The following C1orf198 variants were observed in gnomAD, a reference collection of about 807,000 sequenced individuals.
C1orf198 encodes chromosome 1 open reading frame 198.
C1orf198 carries 17 observed loss-of-function variants against 31.4 expected under a neutral mutation model. The ratio of observed to expected loss-of-function variants is 0.54; its 90% CI spans 0.37 to 0.81. The LOEUF is 0.81. Ranked by LOEUF, C1orf198 falls within the 40% of genes least tolerant of loss-of-function variation. The probability of loss-of-function intolerance (pLI) is 0.00; values close to 1 mark genes in which losing one functional copy is unlikely to be tolerated. For synonymous variants in C1orf198, 175 were observed against 193.8 expected, an observed-to-expected ratio of 0.90 and a Z score of 0.81; for missense variants, 401 against 450.3, an observed-to-expected ratio of 0.89 and a Z score of 0.99.
At chr1:230,868,001 C>A (rs896395591) in intron 1 of C1orf198, among the ~76,000 whole-genome samples, 179 bp downstream of exon 1, 1 of 152,224 alleles carries the variant, frequency 6.6e-6, no homozygotes, top group Non-Finnish European at 1.5e-5. Context: ...ACTCCCCCAG[C>A]GGAGCCCCCA....
In C1orf198 at chr1:230,857,898, C is replaced by G. The variant is rs1403278537; in HGVS notation, c.334-2180G>C. Among the ~76,000 whole-genome samples the G allele has an allele frequency of 6.6e-6, 1 of 152,206 alleles. No homozygotes were observed. The highest frequency in any genetic ancestry group is 1.5e-5 in the Non-Finnish European group (1 of 68,028). On this transcript the variant is annotated intron_variant, in intron 1 of 3. Coordinates refer to ENST00000366663, the MANE Select transcript of C1orf198 (RefSeq NM_032800.3). The surrounding 1 kb of genome is among the most constrained non-coding windows in gnomAD (Gnocchi z 4.2). ...ACCATGTGCACAGTAAGATGACCCC[C>G]ATCCTCAGAGTGTTACAGTCACTGT...
chr1:230,843,372 C>A lies in C1orf198; in HGVS notation c.909G>T (p.Ser303=). The A allele has an allele frequency of 6.4e-7, 1 of 1,555,776 alleles. No homozygotes were observed. Among genetic ancestry groups the A allele is most frequent in the South Asian group, 1.2e-5 (1 of 84,530 alleles). Residue 303 remains serine (S), a synonymous_variant, in exon 3 of 4, where the codon TCG becomes TCT. Coordinates refer to ENST00000366663, the MANE Select transcript of C1orf198 (RefSeq NM_032800.3). This position sits in a 1 kb window ranked among gnomAD's most constrained non-coding sequence, Gnocchi z 4.9. ...CACTCACCTGTGCAAACTTGGGTTC[C>A]GAGAACAGGGTGTCTTCCCCATCGT... ...RQDDGEDTLF[S]EPKFAQVSSS...
At chr1:230,845,169 G>T (rs1309160392) in intron 2 of C1orf198, among the ~76,000 whole-genome samples, 1 of 147,596 alleles carries the variant, frequency 6.8e-6, no homozygotes, top group Non-Finnish European at 1.5e-5. Context: ...TTTGAGACCA[G>T]CCTGGGCAAC....
intron 1 of C1orf198, 102 bp downstream of exon 1, chr1:230,868,078 C>A: frequency 8.3e-7 from 1 of 1,210,820 alleles, no homozygotes; most frequent in African/African-American, 1.6e-5. Flanking sequence ...CTTTTCCAGC[C>A]CCTACCAGCT....
rs748161933 is a variant in C1orf198 at position 230,868,172 on chromosome 1, G to T, written c.333+8C>A. 11 of 1,378,460 alleles carry T rather than the reference G, an allele frequency of 8.0e-6. No individual in the cohort carries two copies. Among genetic ancestry groups the T allele is most frequent in the Non-Finnish European group, 1.0e-5 (11 of 1,056,694 alleles). The allele number at this position is 1,378,460 out of a possible 1,614,324, so 85.4% of individuals were successfully genotyped here. A position where few individuals can be genotyped will look rare whatever the true frequency, so the allele number is the denominator to read the frequency against. On this transcript the variant is annotated splice_region_variant and intron_variant, in intron 1 of 3. Transcript: ENST00000366663. ...GGGAAGAGGGTCCGCGGCCAGGCCC[G>T]CACCTACCTCGTCCCCGAAGCGCAC... is the stretch of plus-strand genomic sequence containing the variant.
At chr1:230,859,361 C>A (rs12407450) in intron 1 of C1orf198, among the ~76,000 whole-genome samples, 3 of 152,092 alleles carry the variant, frequency 2.0e-5, no homozygotes, top group Non-Finnish European at 4.4e-5. Context: ...TTCCCACCCC[C>A]CTCTCTGGCG....
intron 2 of C1orf198, among the ~76,000 whole-genome samples, chr1:230,848,859 T>C (rs1669659258): frequency 6.6e-6 from 1 of 152,126 alleles, no homozygotes; most frequent in African/African-American, 2.4e-5. Flanking sequence ...CTCCAGGAAC[T>C]ATAATAAAAA....
chr1:230,843,315 A>T lies in C1orf198; in HGVS notation c.927+39T>A, dbSNP rs1436889787. On this transcript the variant is annotated intron_variant, in intron 3 of 3. Transcript: ENST00000366663. The surrounding 1 kb of genome is among the most constrained non-coding windows in gnomAD (Gnocchi z 4.9). ...CCTCTCGGTTCCCGTGGAATAAGGCACCATCCCATCTGAGGACGCGCTGGT... is the reference window on the plus strand; with the variant it reads ...CCTCTCGGTTCCCGTGGAATAAGGCTCCATCCCATCTGAGGACGCGCTGGT... 6.5e-7 allele frequency: 1 copy of T among 1,546,728 alleles called. No individual in the cohort carries two copies. The highest frequency in any genetic ancestry group is 8.7e-7 in the Non-Finnish European group (1 of 1,144,618).
chr1:230,859,697 C>T (rs559757427), intron 1 of C1orf198, among the ~76,000 whole-genome samples: 1 of 152,128 alleles, frequency 6.6e-6, no homozygotes, highest in South Asian at 2.1e-4. Context: ...CCCCACGCAG[C>T]TCCAAGGACT....
intron 2 of C1orf198, among the ~76,000 whole-genome samples, chr1:230,844,298 A>C (rs1669529569): frequency 6.6e-6 from 1 of 151,838 alleles, no homozygotes; most frequent in African/African-American, 2.4e-5. Context: ...CTGGTCGTTT[A>C]AAAGGGTGTG....
Position 230,838,384 on chromosome 1 carries a change from C to T in C1orf198, c.*1468G>A, listed in dbSNP as rs948065331. 1.3e-5 allele frequency: 2 copies of T among 152,568 alleles called. No homozygotes were observed. Among genetic ancestry groups the T allele is most frequent in the African/African-American group, 4.8e-5 (2 of 41,414 alleles). The allele number at this position is 152,568 out of a possible 1,614,324, so 9.5% of individuals were successfully genotyped here. A position where few individuals can be genotyped will look rare whatever the true frequency, so the allele number is the denominator to read the frequency against. ...TGGCAAGAACCAAATCAAAAGTTGG[C>T]TATGCCACAGCTTTGGCAGAAACTT... On this transcript the variant is annotated 3_prime_UTR_variant, in exon 4 of 4. Transcript: ENST00000366663. The surrounding 1 kb of genome is among the most constrained non-coding windows in gnomAD (Gnocchi z 4.2).
intron 2 of C1orf198, among the ~76,000 whole-genome samples, chr1:230,848,564 T>G (rs1357451723): frequency 6.6e-6 from 1 of 152,262 alleles, no homozygotes; most frequent in African/African-American, 2.4e-5. Flanking sequence ...TCCCAACACA[T>G]AGAAATTAAA....
intron 1 of C1orf198, among the ~76,000 whole-genome samples, chr1:230,861,154 T>C (rs559890897): frequency 6.6e-6 from 1 of 152,220 alleles, no homozygotes; most frequent in Non-Finnish European, 1.5e-5. Flanking sequence ...GGCGTATACC[T>C]CCAAGAGCGA....
intron 2 of C1orf198, among the ~76,000 whole-genome samples, chr1:230,845,795 C>A (rs1414075155): frequency 6.6e-6 from 1 of 152,102 alleles, no homozygotes; most frequent in African/African-American, 2.4e-5. Flanking sequence ...GAAAAAGAAT[C>A]AGTCACAACC....
At chr1:230,850,820 C>T (rs1307736486) in intron 2 of C1orf198, among the ~76,000 whole-genome samples, 2 of 151,976 alleles carry the variant, frequency 1.3e-5, no homozygotes, top group African/African-American at 4.8e-5. Context: ...TGAGGAGGAA[C>T]CATTGAGCAG....
At chr1:230,869,153 C>G (rs1198493106), upstream of C1orf198, 1 of 152,434 alleles carries the variant, frequency 6.6e-6, no homozygotes, top group African/African-American at 2.4e-5. Flanking sequence ...GGAGGGCGAC[C>G]TGGAAGGCTG....
intron 2 of C1orf198, among the ~76,000 whole-genome samples, chr1:230,846,511 A>G (rs1415374878): frequency 6.6e-6 from 1 of 152,246 alleles, no homozygotes; most frequent in African/African-American, 2.4e-5. Flanking sequence ...CTATACATAG[A>G]GAGCGGCACA....
At chr1:230,867,690 G>T (rs1670151089) in intron 1 of C1orf198, among the ~76,000 whole-genome samples, 1 of 152,188 alleles carries the variant, frequency 6.6e-6, no homozygotes, top group African/African-American at 2.4e-5. Context: ...AAGTATTCAT[G>T]TTAGTATATA....
intron 1 of C1orf198, 183 bp from the exon 2 acceptor site, chr1:230,855,901 A>G: frequency 7.4e-7 from 1 of 1,352,726 alleles, no homozygotes. Context: ...TTGCTCCCTC[A>G]TCTTTCCCGC....
Sources: gnomAD v4.1 joint callset for allele counts (sites outside exome capture counted in the v4.1 genomes callset) on GRCh38, gnomAD v4.1.1 for gene constraint, Gnocchi (gnomAD v3.1) non-coding constraint, MANE v1.5 for transcripts, NCBI Gene and HGNC (gene_info 2026-07-23, HGNC 2026-07-21) for gene names.